Variants in CALN1 observed in about 807,000 individuals in gnomAD.
CALN1 encodes the protein calneuron 1.
A neutral mutation model predicts 30.6 loss-of-function variants in CALN1; 17 were observed. That is an observed-to-expected ratio of 0.56 (90% confidence interval 0.38 to 0.83). The LOEUF is 0.83. Among genes scored for constraint, CALN1 ranks in the 40% least tolerant of loss-of-function variants. CALN1 has a pLI of 0.00. For synonymous variants in CALN1, 156 were observed against 131.4 expected (o/e 1.19, Z -1.28); for missense variants, 291 against 354.9 (o/e 0.82, Z 1.45).
chr7:72,142,624 G>A (rs929518988), intron 3 of CALN1, among the ~76,000 whole-genome samples: 2 of 152,200 alleles, frequency 1.3e-5, no homozygotes, highest in African/African-American at 2.4e-5. Flanking sequence ...TTGGAAGAGA[G>A]TAGTGGTTCT....
chr7:72,133,645 A>C (rs780742327), intron 3 of CALN1, among the ~76,000 whole-genome samples: 3 of 152,194 alleles, frequency 2.0e-5, no homozygotes, highest in African/African-American at 4.8e-5. Context: ...CTAATTACAA[A>C]GGGGGAAAGA....
At chr7:72,410,170 G>A (rs570245554) in intron 1 of CALN1, among the ~76,000 whole-genome samples, 3 of 152,122 alleles carry the variant, frequency 2.0e-5, no homozygotes, top group Non-Finnish European at 4.4e-5. Flanking sequence ...CCAAAGCTAA[G>A]CCCTGCATTT....
At chr7:72,169,229 A>C (rs947419151) in intron 3 of CALN1, among the ~76,000 whole-genome samples, 2 of 152,124 alleles carry the variant, frequency 1.3e-5, no homozygotes. Flanking sequence ...TTAAGACAAA[A>C]AAAAAGCTCC....
chr7:72,129,376 T>G (rs1404084809), intron 3 of CALN1, among the ~76,000 whole-genome samples: 2 of 152,158 alleles, frequency 1.3e-5, no homozygotes, highest in African/African-American at 4.8e-5. Flanking sequence ...AGAAATGTAT[T>G]ATTCAAGCAT....
intron 4 of CALN1, among the ~76,000 whole-genome samples, chr7:72,025,444 A>G (rs1438959427): frequency 6.6e-6 from 1 of 152,254 alleles, no homozygotes; most frequent in Non-Finnish European, 1.5e-5. Flanking sequence ...ATCTTTGTAT[A>G]TTGAACACCA....
chr7:72,116,335 T>C (rs989629805), intron 3 of CALN1, among the ~76,000 whole-genome samples: 5 of 152,138 alleles, frequency 3.3e-5, no homozygotes, highest in African/African-American at 7.2e-5. Flanking sequence ...CTGGACAACA[T>C]AGCAAGACCC....
At chr7:72,331,953 T>A (rs1430353095) in intron 2 of CALN1, among the ~76,000 whole-genome samples, 1 of 152,140 alleles carries the variant, frequency 6.6e-6, no homozygotes, top group Non-Finnish European at 1.5e-5. Flanking sequence ...GAACATGCAG[T>A]ATTTGATTTT....
At chr7:72,451,925 T>G (rs1808675233), upstream of CALN1, among the ~76,000 whole-genome samples, 1 of 151,814 alleles carries the variant, frequency 6.6e-6, no homozygotes, top group Admixed American at 6.6e-5. Flanking sequence ...TCCCAGCACT[T>G]CAGGAGGCTG....
At chr7:71,964,904 G>GT (rs1482019436) in intron 5 of CALN1, among the ~76,000 whole-genome samples, 1 of 152,162 alleles carries the variant, frequency 6.6e-6, no homozygotes, top group African/African-American at 2.4e-5. Flanking sequence ...GGAATAGATG[G>GT]TTTCACTGAC....
rs374601761 is a variant in CALN1, at chr7:72,342,909, T to TA, written c.119+60341_119+60342insT. On this transcript the variant is annotated intron_variant, in intron 2 of 6. Transcript: ENST00000395275. ...TTGGAAGGTAAAATTTTTCATGTCTTCCATCAAAGTATGGAATCCAGGATT... is the reference window on the plus strand; with the variant it reads ...TTGGAAGGTAAAATTTTTCATGTCTTACCATCAAAGTATGGAATCCAGGATT... Among the ~76,000 whole-genome samples, 715 of 152,298 alleles carry TA rather than the reference T, an allele frequency of 4.7e-3. 2 individuals are homozygous for TA. The highest frequency in any genetic ancestry group is 0.016 in the African/African-American group (679 of 41,566).
chr7:72,382,274 AGGGCCATCTTG>A (rs1241674420), intron 2 of CALN1, among the ~76,000 whole-genome samples: 2 of 152,116 alleles, frequency 1.3e-5, no homozygotes, highest in Non-Finnish European at 2.9e-5. Flanking sequence ...TTCATAGGAG[AGGGCCATCTTG>A]ATGATGAACG....
At chr7:72,054,458 C>CATACAT (rs1563015567) in intron 4 of CALN1, among the ~76,000 whole-genome samples, 7 of 129,072 alleles carry the variant, frequency 5.4e-5, no homozygotes, top group African/African-American at 2.2e-4. Context: ...CATATATATA[C>CATACAT]ATATATATAC....
chr7:72,303,013 C>G (rs1263910434), intron 2 of CALN1, among the ~76,000 whole-genome samples: 1 of 149,196 alleles, frequency 6.7e-6, no homozygotes, highest in East Asian at 2.0e-4. Flanking sequence ...TTCAGGAGTT[C>G]AAGGATACAG....
chr7:72,171,958 C>A (rs936662581), intron 3 of CALN1, among the ~76,000 whole-genome samples: 1 of 152,104 alleles, frequency 6.6e-6, no homozygotes, highest in South Asian at 2.1e-4. Context: ...GGTCATGTAG[C>A]GATCAAGTAG....
chr7:72,249,253 G>A (rs780349983), intron 3 of CALN1, among the ~76,000 whole-genome samples: 6 of 152,120 alleles, frequency 3.9e-5, no homozygotes, highest in African/African-American at 1.2e-4. Flanking sequence ...CACTCCAGTC[G>A]TGAGCAACAG....
chr7:72,408,466 A>G (rs1192421907), intron 1 of CALN1, among the ~76,000 whole-genome samples: 6 of 151,812 alleles, frequency 4.0e-5, no homozygotes, highest in African/African-American at 1.2e-4. Context: ...ACACACAGAG[A>G]TAATAAAGAC....
intron 5 of CALN1, among the ~76,000 whole-genome samples, chr7:72,011,515 C>T (rs538829420): frequency 6.6e-6 from 1 of 152,334 alleles, no homozygotes; most frequent in African/African-American, 2.4e-5. Context: ...CCTTTGATCA[C>T]TTCTGGTTTG....
chr7:72,029,415 A>G (rs1801296920), intron 4 of CALN1, among the ~76,000 whole-genome samples: 1 of 152,068 alleles, frequency 6.6e-6, no homozygotes, highest in Non-Finnish European at 1.5e-5. Flanking sequence ...TGCCTGGCCA[A>G]TATTTGATCT....
chr7:72,399,422 C>G (rs1042508866), intron 2 of CALN1, among the ~76,000 whole-genome samples: 3 of 151,892 alleles, frequency 2.0e-5, no homozygotes, highest in African/African-American at 7.3e-5. Flanking sequence ...AAGCGCACAC[C>G]ACCACCCCCA....
Sources: allele counts gnomAD v4.1 joint callset (sites outside exome capture counted in the v4.1 genomes callset), GRCh38; gene constraint gnomAD v4.1.1; transcripts MANE v1.5; gene names NCBI Gene and HGNC (gene_info 2026-07-23, HGNC 2026-07-21).